The following EPG5 variants were observed in gnomAD, a reference collection of about 807,000 sequenced individuals.
EPG5 encodes ectopic P-granules 5 autophagy tethering factor.
In EPG5, 159 loss-of-function variants were observed where a neutral mutation model predicts 302.7. The observed-to-expected ratio is 0.53, with a 90% CI of 0.46 to 0.60. The LOEUF (loss-of-function observed/expected upper bound fraction) is 0.60, where lower values mean the gene tolerates loss of function less well. EPG5 is among the 20% of genes least tolerant of loss of function. The pLI is 0.00. For missense variants in EPG5, 2,896 were observed against 3,092.4 expected (o/e 0.94, Z 1.51); for synonymous variants, 1,158 against 1,136.8 (o/e 1.02, Z -0.37).
intron 38 of EPG5, among the ~76,000 whole-genome samples, chr18:45,866,078 C>T (rs1447174734): frequency 6.6e-6 from 1 of 151,786 alleles, no homozygotes; most frequent in Non-Finnish European, 1.5e-5. Flanking sequence ...TGTTCATTAT[C>T]GAATTCAATC....
intron 20 of EPG5, 90 bp downstream of exon 20, chr18:45,915,421 A>G: frequency 2.2e-6 from 2 of 910,232 alleles, no homozygotes; most frequent in South Asian, 3.0e-5. Context: ...AATAAAAGTT[A>G]GTTTAGACAA....
chr18:45,846,966 C>A (rs1205192764), downstream of EPG5, among the ~76,000 whole-genome samples: 1 of 152,190 alleles, frequency 6.6e-6, no homozygotes, highest in African/African-American at 2.4e-5. Flanking sequence ...AGACAGCTAA[C>A]TTGGCTGCTG....
chr18:45,806,959 G>A, the EPG5 span, among the ~76,000 whole-genome samples: 1 of 152,178 alleles, frequency 6.6e-6, no homozygotes, highest in Non-Finnish European at 1.5e-5. Context: ...TGGGAGGCAG[G>A]TATCGTGCGG....
intron 17 of EPG5, 167 bp from the exon 18 acceptor site, chr18:45,916,749 G>T: frequency 1.6e-6 from 1 of 611,592 alleles, no homozygotes; most frequent in Non-Finnish European, 2.7e-6. Context: ...ATTTAACATG[G>T]GTTAAAAGGA....
At chr18:45,840,345 TG>T in the EPG5 span, 1 of 1,337,242 alleles carries the variant, frequency 7.5e-7, no homozygotes, top group Non-Finnish European at 1.0e-6. Flanking sequence ...GGGCTGGGGC[TG>T]GGGTCCTACT....
chr18:45,867,718 A>C lies in EPG5; in HGVS notation c.6256T>G (p.Leu2086Val), dbSNP rs200152090. The change falls in exon 37 of 44, where the codon TTA (leucine) becomes GTA (valine). Residue 2086 changes from leucine (L) to valine (V), a missense_variant. Physicochemically the swap from Leu to Val is conservative, Grantham distance 32 (BLOSUM62 1). Around this residue, in one of 5 missense-constraint regions of EPG5, gnomAD observed 620 missense variants for 704.2 expected, o/e 0.88. Transcript: ENST00000282041. ...TCACAGAGTACAGACCCCAAAAATA[A>C]GAAACAGCTCTTGGGGCTTCCTCGT... ...VERGSPKSCF[L>V]FLGSVLCEVN... is the part of the protein sequence containing the mutation. 2.7e-4 allele frequency: 434 copies of C among 1,608,096 alleles called. No homozygotes were observed. Among genetic ancestry groups the C allele is most frequent in the Non-Finnish European group, 3.4e-4 (403 of 1,177,800 alleles).
At chr18:45,884,218 G>A (rs1051604660) in intron 30 of EPG5, among the ~76,000 whole-genome samples, 1 of 152,060 alleles carries the variant, frequency 6.6e-6, no homozygotes, top group Non-Finnish European at 1.5e-5. Context: ...ATCACCCATG[G>A]CATTAGAGTC....
chr18:45,837,759 C>T, the EPG5 span: 15 of 1,519,396 alleles, frequency 9.9e-6, no homozygotes, highest in Non-Finnish European at 1.3e-5. Flanking sequence ...CTGGGCAACC[C>T]GCGCCGCAAC....
intron 19 of EPG5, among the ~76,000 whole-genome samples, 163 bp downstream of exon 19, chr18:45,915,846 C>T (rs566704857): frequency 9.2e-4 from 140 of 152,266 alleles, no homozygotes; most frequent in Non-Finnish European, 1.7e-3. Flanking sequence ...CTAGGGTCTA[C>T]GCTAGTGGAC....
chr18:45,802,648 C>A, the EPG5 span, among the ~76,000 whole-genome samples: 1 of 152,182 alleles, frequency 6.6e-6, no homozygotes, highest in Non-Finnish European at 1.5e-5. Flanking sequence ...GTGCCCAATA[C>A]CTTTCCCCAC....
the EPG5 span, among the ~76,000 whole-genome samples, chr18:45,814,787 G>A: frequency 6.6e-6 from 1 of 152,198 alleles, no homozygotes; most frequent in Non-Finnish European, 1.5e-5. Context: ...CTCTGGCCAG[G>A]TGTTTACAGT....
chr18:45,865,661 C>T lies in EPG5; in HGVS notation c.6720G>A (p.Gln2240=), dbSNP rs1360138173. The T allele has an allele frequency of 6.2e-7, 1 of 1,613,874 alleles. No individual in the cohort carries two copies. The highest frequency in any genetic ancestry group is 2.2e-5 in the East Asian group (1 of 44,872). Residue 2240 remains glutamine, a synonymous_variant, in exon 39 of 44, where the codon CAG becomes CAA. Transcript: ENST00000282041. ...TATCGTCTAAGAGCTTAGACATTTC[C>T]TGTTCTAGGACTGCTAAGGTGATTT... ...NGKITLAVLE[Q]EMSKLLDDII...
intron 27 of EPG5, among the ~76,000 whole-genome samples, chr18:45,892,999 G>A (rs1201864269): frequency 6.6e-6 from 1 of 152,142 alleles, no homozygotes; most frequent in Non-Finnish European, 1.5e-5. Flanking sequence ...TACAGACTCA[G>A]AGAGAAAATG....
chr18:45,854,109 T>C (rs1031270473), intron 43 of EPG5, among the ~76,000 whole-genome samples: 2 of 152,170 alleles, frequency 1.3e-5, no homozygotes, highest in Non-Finnish European at 2.9e-5. Context: ...ACAGGAGACG[T>C]AGTCTTCTCA....
At chr18:45,836,402 C>A in the EPG5 span, among the ~76,000 whole-genome samples, 4 of 150,904 alleles carry the variant, frequency 2.7e-5, no homozygotes, top group Non-Finnish European at 1.5e-5. Context: ...TGAACTGCAC[C>A]CTGGGGCACC....
rs1049319947 is a variant in EPG5 at position 45,880,402 on chromosome 18, C to T, written c.5519-179G>A. Among the ~76,000 whole-genome samples the T allele has an allele frequency of 8.5e-5, 13 of 152,198 alleles. No homozygotes were observed. In the East Asian group the frequency reaches 2.5e-3, roughly 29 times the overall value. Reference sequence around the variant, plus strand: ...AAAGAGAACCTAAGAGAAGAACTGGCCACCTGCACATTTGGTTTTCCTGGT... The same window carrying T: ...AAAGAGAACCTAAGAGAAGAACTGGTCACCTGCACATTTGGTTTTCCTGGT... On this transcript the variant is annotated intron_variant, in intron 31 of 43. Transcript: ENST00000282041.
intron 7 of EPG5, 107 bp downstream of exon 7, chr18:45,946,556 C>G (rs2050787060): frequency 2.5e-6 from 2 of 796,978 alleles, no homozygotes; most frequent in Non-Finnish European, 4.2e-6. Flanking sequence ...CATGGAGTTG[C>G]TGAGAGAATT....
In EPG5 at chr18:45,943,308, T is replaced by C; in HGVS notation, c.1796A>G (p.Asp599Gly). The C allele has an allele frequency of 2.5e-6, 4 of 1,613,644 alleles. No individual in the cohort carries two copies. Among genetic ancestry groups the C allele is most frequent in the Non-Finnish European group, 3.4e-6 (4 of 1,179,690 alleles). The change falls in exon 9 of 44, where the codon GAT becomes GGT. Residue 599 changes from aspartate to glycine, a missense_variant. By Grantham distance (94) the Asp-to-Gly change is moderately conservative. Around this residue, in one of 5 missense-constraint regions of EPG5, gnomAD observed 1,390 missense variants for 1,430.0 expected, o/e 0.97. Transcript: ENST00000282041. ...AGGTCTTGTTGTTTCAGGTAAATAA[T>C]CACCTAGAAGTTAATCAGATAAAAG... ...QHLLGFKAKGDYLPETTRPQE... is the reference protein window; with the variant it reads ...QHLLGFKAKGGYLPETTRPQE...
At chr18:45,832,693 C>T in the EPG5 span, among the ~76,000 whole-genome samples, 1 of 152,272 alleles carries the variant, frequency 6.6e-6, no homozygotes, top group East Asian at 1.9e-4. Flanking sequence ...AGATTAGAGA[C>T]CCTACAGTAA....
Sources: allele counts gnomAD v4.1 joint callset (sites outside exome capture counted in the v4.1 genomes callset), GRCh38; gene constraint gnomAD v4.1.1; regional missense constraint gnomAD v4.1.1; transcripts MANE v1.5; gene names NCBI Gene and HGNC (gene_info 2026-07-23, HGNC 2026-07-21).